NAP1L1: variants seen among roughly 807,000 people sequenced by gnomAD.
NAP1L1 encodes the protein nucleosome assembly protein 1 like 1.
In NAP1L1, 9 loss-of-function variants were observed where a neutral mutation model predicts 58.9. The observed-to-expected ratio is 0.15, with a 90% CI of 0.09 to 0.27. The LOEUF is 0.27. Among genes scored for constraint, NAP1L1 ranks in the 10% least tolerant of loss-of-function variants. The probability of loss-of-function intolerance (pLI) is 1.00; values close to 1 mark genes in which losing one functional copy is unlikely to be tolerated. For synonymous variants in NAP1L1, 130 were observed against 138.3 expected, an observed-to-expected ratio of 0.94 and a Z score of 0.42; for missense variants, 302 against 458.8, an observed-to-expected ratio of 0.66 and a Z score of 3.12.
chr12:76,050,387 A>G, intron 12 of NAP1L1, 144 bp downstream of exon 12: 1 of 954,594 alleles, frequency 1.0e-6, no homozygotes, highest in East Asian at 2.9e-5. Context: ...TAAAACCCAG[A>G]AAAGCTATAT....
rs1022053533 is a variant in NAP1L1 at position 76,044,377 on chromosome 12, T to C, written c.*4052A>G. On this transcript the variant is annotated 3_prime_UTR_variant, in exon 15 of 15. Transcript: ENST00000618691. The stretch of plus-strand genomic sequence containing the variant: ...TTTATGTAATATTTTATCCTGGGTT[T>C]CAAAATAATAAAACTCAGTTTGTTC... The C allele has an allele frequency of 6.6e-6, 1 of 152,192 alleles. No homozygotes were observed. Among genetic ancestry groups the C allele is most frequent in the Non-Finnish European group, 1.5e-5 (1 of 68,032 alleles). The allele number at this position is 152,192 out of a possible 1,614,324, so 9.4% of individuals were successfully genotyped here.
chr12:76,059,318 TGA>T (rs2137009276), intron 6 of NAP1L1, among the ~76,000 whole-genome samples: 1 of 152,378 alleles, frequency 6.6e-6, no homozygotes, highest in East Asian at 1.9e-4. Flanking sequence ...ATCATCGTTC[TGA>T]GAGGAAGGCC....
chr12:76,082,493 C>CA (rs1167094378), intron 1 of NAP1L1, among the ~76,000 whole-genome samples: 1 of 152,142 alleles, frequency 6.6e-6, no homozygotes, highest in Non-Finnish European at 1.5e-5. Flanking sequence ...GAAAGATATT[C>CA]AAATTGGTAT....
chr12:76,060,929 C>CA (rs1466579820), intron 4 of NAP1L1: 7 of 289,818 alleles, frequency 2.4e-5, no homozygotes, highest in African/African-American at 9.0e-5. Context: ...CCTGTCCTTA[C>CA]AAAAAATACA....
chr12:76,038,830 TA>T lies in NAP1L1; in HGVS notation c.*9598del, dbSNP rs972696348. 11 of 152,148 alleles carry T rather than the reference TA, an allele frequency of 7.2e-5. No homozygotes were observed. Among genetic ancestry groups the T allele is most frequent in the African/African-American group, 2.7e-4 (11 of 41,438 alleles). 9.4% of individuals were successfully genotyped at this position (152,148 alleles called of 1,614,324 possible). A position where few individuals can be genotyped will look rare whatever the true frequency, so the allele number is the denominator to read the frequency against. ...ACTACCTAAGTAAATCATTGTTGAGTAACAATGAGCACCCCTTAAACATGTC... is the reference window on the plus strand; with the variant it reads ...ACTACCTAAGTAAATCATTGTTGAGTACAATGAGCACCCCTTAAACATGTC... On this transcript the variant is annotated 3_prime_UTR_variant, in exon 15 of 15. Coordinates refer to ENST00000618691, the MANE Select transcript of NAP1L1 (RefSeq NM_004537.7).
chr12:76,075,122 C>CA (rs1036255686), intron 1 of NAP1L1, among the ~76,000 whole-genome samples: 13 of 151,304 alleles, frequency 8.6e-5, no homozygotes, highest in African/African-American at 2.2e-4. Context: ...TACAGATTAC[C>CA]AAAAAAAACT....
chr12:76,055,910 G>C (rs905994460), intron 7 of NAP1L1, 123 bp downstream of exon 7: 4 of 970,652 alleles, frequency 4.1e-6, no homozygotes, highest in African/African-American at 3.3e-5. Context: ...ACAGATATTA[G>C]CTATTTCAAA....
intron 3 of NAP1L1, chr12:76,068,674 C>T: frequency 2.6e-6 from 1 of 385,938 alleles, no homozygotes; most frequent in Non-Finnish European, 4.6e-6. Context: ...GTCACTCCAA[C>T]AGTGCAGGAT....
chr12:76,053,031 TCAG>T, intron 11 of NAP1L1, 57 bp downstream of exon 11: 2 of 1,513,958 alleles, frequency 1.3e-6, no homozygotes, highest in Admixed American at 1.8e-5. Flanking sequence ...TTTTTGAAAT[TCAG>T]TGCTTTAATT....
intron 6 of NAP1L1, chr12:76,057,855 A>G: frequency 6.7e-7 from 1 of 1,499,296 alleles, no homozygotes; most frequent in Non-Finnish European, 9.1e-7. Context: ...AAATAAAACA[A>G]AAAAACAAAG....
intron 11 of NAP1L1, among the ~76,000 whole-genome samples, chr12:76,051,151 C>T (rs1948807964): frequency 6.6e-6 from 1 of 151,792 alleles, no homozygotes; most frequent in Non-Finnish European, 1.5e-5. Flanking sequence ...ATAACTTTTC[C>T]AAGTTTTTAA....
intron 1 of NAP1L1, among the ~76,000 whole-genome samples, chr12:76,079,841 C>T (rs1592708640): frequency 6.6e-6 from 1 of 152,204 alleles, no homozygotes; most frequent in Admixed American, 6.5e-5. Flanking sequence ...GCATTCTCCA[C>T]CACACTCAGC....
chr12:76,073,897 G>A (rs1247690158), intron 2 of NAP1L1: 1 of 253,974 alleles, frequency 3.9e-6, no homozygotes, highest in East Asian at 8.0e-5. Flanking sequence ...TAAATCTTTG[G>A]GAAATATATA....
At chr12:76,070,928 C>A (rs1949925370) in intron 2 of NAP1L1, among the ~76,000 whole-genome samples, 1 of 152,074 alleles carries the variant, frequency 6.6e-6, no homozygotes, top group Admixed American at 6.5e-5. Flanking sequence ...CCCAACATTC[C>A]GGAAGCCAAG....
At chr12:76,083,637 G>A (rs564657704) in intron 1 of NAP1L1, among the ~76,000 whole-genome samples, 1 of 152,202 alleles carries the variant, frequency 6.6e-6, no homozygotes, top group Non-Finnish European at 1.5e-5. Flanking sequence ...ACAGTACCTG[G>A]GAAACACAAT....
At chr12:76,066,002 T>C (rs982453422) in intron 4 of NAP1L1, among the ~76,000 whole-genome samples, 1 of 148,942 alleles carries the variant, frequency 6.7e-6, no homozygotes, top group African/African-American at 2.5e-5. Flanking sequence ...GCAATGAAGG[T>C]AGGTGGTACA....
At chr12:76,079,533 G>C (rs147043243) in intron 1 of NAP1L1, among the ~76,000 whole-genome samples, 5 of 152,206 alleles carry the variant, frequency 3.3e-5, no homozygotes, top group African/African-American at 1.2e-4. Flanking sequence ...ACACTAATCA[G>C]AGTTGGTATC....
intron 1 of NAP1L1, among the ~76,000 whole-genome samples, chr12:76,075,784 A>G (rs1402292038): frequency 6.6e-6 from 1 of 152,220 alleles, no homozygotes; most frequent in Non-Finnish European, 1.5e-5. Context: ...GGAAACCTGT[A>G]GTGCACATGC....
Position 76,049,264 on chromosome 12 carries a change from C to A in NAP1L1, c.1090-14G>T. The A allele has an allele frequency of 1.2e-6, 2 of 1,613,322 alleles. No homozygotes were observed. Among genetic ancestry groups the A allele is most frequent in the Non-Finnish European group, 1.7e-6 (2 of 1,179,730 alleles). ...TTCTTCCCCTTCCTATATTAAAGTT[C>A]AAAATGCATCCATGAAGTATGTACA... is the stretch of plus-strand genomic sequence containing the variant. On this transcript the variant is annotated splice_polypyrimidine_tract_variant and intron_variant, in intron 13 of 14. Transcript: ENST00000618691.
Sources: allele counts gnomAD v4.1 joint callset (sites outside exome capture counted in the v4.1 genomes callset), GRCh38; gene constraint gnomAD v4.1.1; transcripts MANE v1.5; gene names NCBI Gene and HGNC (gene_info 2026-07-23, HGNC 2026-07-21).